Variants in ARID1B observed in about 807,000 individuals in gnomAD.
The protein encoded by ARID1B is AT-rich interaction domain 1B.
ARID1B carries 30 observed loss-of-function variants against 212.3 expected under a neutral mutation model. The observed-to-expected ratio is 0.14, with a 90% confidence interval of 0.11 to 0.19. ARID1B has a LOEUF of 0.19. Ranked by LOEUF, ARID1B falls within the 10% of genes least tolerant of loss-of-function variation. ARID1B has a pLI of 1.00. For missense variants in ARID1B, 2,891 were observed against 3,204.0 expected (o/e 0.90, Z 2.36); for synonymous variants, 1,402 against 1,301.7 (o/e 1.08, Z -1.66).
chr6:156,824,280 C>T (rs992105237), intron 1 of ARID1B, among the ~76,000 whole-genome samples: 8 of 152,290 alleles, frequency 5.3e-5, no homozygotes, highest in Non-Finnish European at 1.0e-4. Context: ...GCCTTCACAG[C>T]ACTTGTCTTA....
chr6:156,950,684 T>C (rs932665607), intron 4 of ARID1B, among the ~76,000 whole-genome samples: 1 of 152,170 alleles, frequency 6.6e-6, no homozygotes, highest in African/African-American at 2.4e-5. Flanking sequence ...GTTTAAACTA[T>C]TCATAAGATC....
intron 6 of ARID1B, among the ~76,000 whole-genome samples, chr6:157,117,969 GT>G (rs1309725573): frequency 2.0e-5 from 3 of 152,208 alleles, no homozygotes; most frequent in Non-Finnish European, 4.4e-5. Context: ...TAAATGGATT[GT>G]GCTGAGTCCC....
At chr6:156,844,508 A>T (rs777952490) in intron 2 of ARID1B, among the ~76,000 whole-genome samples, 2 of 152,260 alleles carry the variant, frequency 1.3e-5, no homozygotes, top group African/African-American at 2.4e-5. Flanking sequence ...TATATAAAGA[A>T]TTAACATTTT....
Position 157,206,715 on chromosome 6 carries a change from G to T in ARID1B, c.5943G>T (p.Glu1981Asp). 3 of 1,612,780 alleles carry T rather than the reference G, an allele frequency of 1.9e-6. No homozygotes were observed. Among genetic ancestry groups the T allele is most frequent in the Non-Finnish European group, 2.5e-6 (3 of 1,180,006 alleles). The change falls in exon 20 of 20, where the codon GAG (glutamate) becomes GAT (aspartate). Residue 1981 changes from glutamate (E) to aspartate (D), a missense_variant. Transcript: ENST00000636930. This position sits in a 1 kb window ranked among gnomAD's most constrained non-coding sequence, Gnocchi z 6.8. ...TAAGCTCCGCAGGTAGAAAGAAAGA[G>T]CAAGAAGGCAAAGGCGACTCTGAAG... ...PPLSSAGRKK[E>D]QEGKGDSEEQ...
intron 4 of ARID1B, among the ~76,000 whole-genome samples, chr6:157,044,215 G>C (rs1562573632): frequency 6.6e-6 from 1 of 152,144 alleles, no homozygotes; most frequent in African/African-American, 2.4e-5. Context: ...ATAACAAAAG[G>C]ATTAGTCACC....
In ARID1B at chr6:157,190,065, A is replaced by G. The variant is rs768227723; in HGVS notation, c.4086A>G (p.Pro1362=). The part of the protein sequence containing the change: ...GRSSTISVHD[P]FSDVSDSSFP... Reference sequence around the variant, plus strand: ...GCAGTACAATCAGTGTGCACGACCCATTCTCAGATGTGAGTGATTCATCCT... The same window carrying G: ...GCAGTACAATCAGTGTGCACGACCCGTTCTCAGATGTGAGTGATTCATCCT... Residue 1362 remains proline, a synonymous_variant, in exon 15 of 20, where the codon CCA becomes CCG. Coordinates refer to ENST00000636930, the MANE Select transcript of ARID1B (RefSeq NM_001374828.1). The surrounding 1 kb of genome is among the most constrained non-coding windows in gnomAD (Gnocchi z 4.6). The G allele has an allele frequency of 6.2e-7, 1 of 1,614,206 alleles. No homozygotes were observed. Among genetic ancestry groups the G allele is most frequent in the Admixed American group, 1.7e-5 (1 of 60,026 alleles).
chr6:156,800,862 T>C (rs951561829), intron 1 of ARID1B, among the ~76,000 whole-genome samples: 3 of 152,112 alleles, frequency 2.0e-5, no homozygotes, highest in African/African-American at 7.2e-5. Context: ...GCCACTGCAC[T>C]CTGGCCTGGG....
intron 7 of ARID1B, among the ~76,000 whole-genome samples, chr6:157,145,488 A>G (rs1397686165): frequency 6.6e-6 from 1 of 152,178 alleles, no homozygotes; most frequent in Non-Finnish European, 1.5e-5. Flanking sequence ...TGTAGGGAAT[A>G]ACACACGCCT....
chr6:157,016,987 T>G (rs1214967681), intron 4 of ARID1B, among the ~76,000 whole-genome samples: 1 of 152,238 alleles, frequency 6.6e-6, no homozygotes, highest in Non-Finnish European at 1.5e-5. Context: ...AAGGTTGAAA[T>G]GATAAAATTT....
rs150041709 is a variant in ARID1B, at chr6:157,135,235, T to C, written c.2761+2028T>C. Among the ~76,000 whole-genome samples the C allele has an allele frequency of 2.4e-3, 366 of 152,312 alleles. 3 individuals are homozygous for C. Among genetic ancestry groups the C allele is most frequent in the African/African-American group, 8.5e-3 (353 of 41,570 alleles). ...CTTACTCTTTCTGAAGTTCTTTTTGTCTAGAAAATGAGAAAATGAGATTAT... is the reference window on the plus strand; with the variant it reads ...CTTACTCTTTCTGAAGTTCTTTTTGCCTAGAAAATGAGAAAATGAGATTAT... On this transcript the variant is annotated intron_variant, in intron 7 of 19. Coordinates refer to ENST00000636930, the MANE Select transcript of ARID1B (RefSeq NM_001374828.1).
chr6:157,136,340 G>T (rs967809620), intron 7 of ARID1B, among the ~76,000 whole-genome samples: 1 of 152,008 alleles, frequency 6.6e-6, no homozygotes, highest in East Asian at 1.9e-4. Flanking sequence ...TTAATAATTC[G>T]GCCATGATCC....
chr6:156,858,472 A>C (rs1404527630), intron 2 of ARID1B, among the ~76,000 whole-genome samples: 1 of 152,238 alleles, frequency 6.6e-6, no homozygotes, highest in Non-Finnish European at 1.5e-5. Context: ...CTTGTATCAA[A>C]AGATCACAAG....
intron 4 of ARID1B, among the ~76,000 whole-genome samples, chr6:157,079,503 A>G (rs941104448): frequency 2.0e-5 from 3 of 152,226 alleles, no homozygotes; most frequent in Non-Finnish European, 2.9e-5. Flanking sequence ...TAGTTGTGAA[A>G]TAAGGGTGGA....
At chr6:157,154,677 C>T (rs756923259) in intron 8 of ARID1B, among the ~76,000 whole-genome samples, 17 of 143,280 alleles carry the variant, frequency 1.2e-4, no homozygotes, top group Non-Finnish European at 2.1e-4. Flanking sequence ...CCTCCTGGTT[C>T]AAGTGATTCT....
chr6:157,174,123 TC>T lies in ARID1B; in HGVS notation c.3345+8del. ...AGCCCGAGAGCAAGTCAAAGGTACT[TC>T]CTTCGCCTCTGCACGCGGTGTGAGG... On this transcript the variant is annotated splice_region_variant and intron_variant, in intron 10 of 19. Coordinates refer to ENST00000636930, the MANE Select transcript of ARID1B (RefSeq NM_001374828.1). 2 of 1,612,502 alleles carry T rather than the reference TC, an allele frequency of 1.2e-6. No individual in the cohort carries two copies. Among genetic ancestry groups the T allele is most frequent in the East Asian group, 2.2e-5 (1 of 44,884 alleles).
intron 1 of ARID1B, among the ~76,000 whole-genome samples, chr6:156,827,582 A>G (rs1206869910): frequency 1.3e-5 from 2 of 152,134 alleles, no homozygotes; most frequent in Non-Finnish European, 2.9e-5. Context: ...CTGCTTCAGC[A>G]TCTTCGTAAA....
Position 157,097,533 on chromosome 6 carries a change from G to A in ARID1B, c.2491+12628G>A, listed in dbSNP as rs78483430. Among the ~76,000 whole-genome samples, 422 of 152,308 alleles carry A rather than the reference G, an allele frequency of 2.8e-3. 1 individual carries two copies. In the Middle Eastern group the frequency reaches 0.037, roughly 14 times the overall value. On this transcript the variant is annotated intron_variant, in intron 5 of 19. Transcript: ENST00000636930. ...GTGCAAAATGACTCCAAGGGAGTGAGCATCCGCATGTGGCACTTCTCATAG... is the reference window on the plus strand; with the variant it reads ...GTGCAAAATGACTCCAAGGGAGTGAACATCCGCATGTGGCACTTCTCATAG...
chr6:156,985,136 G>A (rs892613853), intron 4 of ARID1B: 6 of 152,168 alleles, frequency 3.9e-5, no homozygotes, highest in African/African-American at 1.2e-4. Context: ...GATTCTTTCA[G>A]GCTGTGACTC....
At chr6:157,028,031 C>T (rs1029397748) in intron 4 of ARID1B, among the ~76,000 whole-genome samples, 3 of 152,046 alleles carry the variant, frequency 2.0e-5, no homozygotes, top group Non-Finnish European at 2.9e-5. Flanking sequence ...CAAGCTGTAG[C>T]ATAAGACATT....
Sources: gnomAD v4.1 joint callset for allele counts (sites outside exome capture counted in the v4.1 genomes callset) on GRCh38, gnomAD v4.1.1 for gene constraint, Gnocchi (gnomAD v3.1) non-coding constraint, MANE v1.5 for transcripts, NCBI Gene and HGNC (gene_info 2026-07-23, HGNC 2026-07-21) for gene names.